Variants in BTBD3 observed in about 807,000 individuals in gnomAD.
BTBD3 encodes BTB domain containing 3.
A neutral mutation model predicts 41.6 loss-of-function variants in BTBD3; 14 were observed. The observed-to-expected ratio is 0.34, with a 90% CI of 0.22 to 0.53. The LOEUF (loss-of-function observed/expected upper bound fraction) is 0.53. Ranked by LOEUF, BTBD3 falls within the 20% of genes least tolerant of loss-of-function variation. The pLI is 0.95. For synonymous variants in BTBD3, 249 were observed against 233.7 expected (o/e 1.07, Z -0.60); for missense variants, 426 against 654.7 (o/e 0.65, Z 3.81).
intron 1 of BTBD3, among the ~76,000 whole-genome samples, chr20:11,893,157 C>T (rs2795021): frequency 0.34 from 52,048 of 151,788 alleles, 9,474 homozygotes; most frequent in Non-Finnish European, 0.41. Context: ...CAAAATAGTA[C>T]AGAAATAGGT....
intron 1 of BTBD3, among the ~76,000 whole-genome samples, chr20:11,907,931 C>T (rs987110671): frequency 1.3e-5 from 2 of 152,154 alleles, no homozygotes; most frequent in Non-Finnish European, 2.9e-5. Flanking sequence ...TCTTCCGGGG[C>T]GGATGCTTGT....
intron 1 of BTBD3, among the ~76,000 whole-genome samples, chr20:11,903,306 C>T (rs1389611246): frequency 6.6e-6 from 1 of 152,110 alleles, no homozygotes; most frequent in Non-Finnish European, 1.5e-5. Flanking sequence ...TAAACATTGG[C>T]AGCCATGCTT....
chr20:11,916,543 G>A (rs930077165), upstream of BTBD3, among the ~76,000 whole-genome samples: 3 of 152,270 alleles, frequency 2.0e-5, no homozygotes, highest in Non-Finnish European at 2.9e-5. Context: ...TTTGCAAATG[G>A]TTTTAAGAAT....
intron 3 of BTBD3, chr20:11,921,747 A>G (rs1028814790): frequency 3.3e-5 from 5 of 152,338 alleles, no homozygotes; most frequent in Non-Finnish European, 5.9e-5. Context: ...CTAATTTCTT[A>G]AGTTTTATGT....
In BTBD3 at chr20:11,919,850, G is replaced by C. The variant is rs116150182; in HGVS notation, c.536+14G>C. ...CGCTATGCTGAAGTAAGCATCATTC[G>C]TGTGTTTGGAAAGAGTTTGTTTATG... On this transcript the variant is annotated intron_variant, in intron 3 of 3. Transcript: ENST00000378226. 6.2e-7 allele frequency: 1 copy of C among 1,604,546 alleles called. No homozygotes were observed. Among genetic ancestry groups the C allele is most frequent in the Non-Finnish European group, 8.5e-7 (1 of 1,171,230 alleles).
At chr20:11,906,282 T>TTTTTTTTTTTTC (rs869198827) in intron 1 of BTBD3, among the ~76,000 whole-genome samples, 1 of 132,606 alleles carries the variant, frequency 7.5e-6, no homozygotes, top group Non-Finnish European at 1.6e-5. Flanking sequence ...TTTTTTTTTT[T>TTTTTTTTTTTTC]GAGACGGAGT....
intron 1 of BTBD3, chr20:11,909,389 C>T (rs1192941468): frequency 6.6e-6 from 1 of 151,642 alleles, no homozygotes; most frequent in African/African-American, 2.4e-5. Flanking sequence ...TTACAGCCTT[C>T]TAATTCTACT....
At chr20:11,895,136 T>A (rs73093614) in intron 1 of BTBD3, among the ~76,000 whole-genome samples, 9 of 152,284 alleles carry the variant, frequency 5.9e-5, no homozygotes, top group Admixed American at 2.0e-4. Flanking sequence ...TCTTTATTGT[T>A]TTTTAAGATC....
intron 1 of BTBD3, among the ~76,000 whole-genome samples, chr20:11,896,475 C>G (rs895773161): frequency 2.0e-5 from 3 of 152,178 alleles, no homozygotes; most frequent in African/African-American, 7.2e-5. Flanking sequence ...GCGGTTTGCA[C>G]TAGATTTAGC....
upstream of BTBD3, among the ~76,000 whole-genome samples, chr20:11,917,573 T>C (rs374382110): frequency 1.3e-5 from 2 of 152,232 alleles, no homozygotes; most frequent in South Asian, 2.1e-4. Context: ...AGTAGAAATA[T>C]AGATATCTGT....
upstream of BTBD3, among the ~76,000 whole-genome samples, chr20:11,915,136 A>C (rs1296920200): frequency 6.6e-6 from 1 of 152,198 alleles, no homozygotes; most frequent in Non-Finnish European, 1.5e-5. Context: ...TAAAAGTACT[A>C]AGTGATTATC....
rs747696693 is a variant in BTBD3 at position 11,923,105 on chromosome 20, G to A, written c.1008G>A (p.Gln336=). ...ALDDFANGAA[Q]SGVLTLNETN... The stretch of plus-strand genomic sequence containing the variant: ...ATGATTTTGCAAATGGTGCTGCACA[G>A]TCCGGGGTATTAACTCTCAATGAGA... Residue 336 remains glutamine, a synonymous_variant, in exon 4 of 4, where the codon CAG becomes CAA. Coordinates refer to ENST00000378226, the MANE Select transcript of BTBD3 (RefSeq NM_014962.4). The surrounding 1 kb of genome is among the most constrained non-coding windows in gnomAD (Gnocchi z 5.3). 2 of 1,614,072 alleles carry A rather than the reference G, an allele frequency of 1.2e-6. No individual in the cohort carries two copies. The highest frequency in any genetic ancestry group is 2.2e-5 in the South Asian group (2 of 91,084).
upstream of BTBD3, among the ~76,000 whole-genome samples, chr20:11,917,606 C>G (rs2056927041): frequency 6.6e-6 from 1 of 152,096 alleles, no homozygotes; most frequent in Admixed American, 6.5e-5. Flanking sequence ...TTAATTGATC[C>G]TGCTTAACTG....
intron 1 of BTBD3, among the ~76,000 whole-genome samples, chr20:11,906,035 C>T (rs769985805): frequency 8.6e-5 from 13 of 151,984 alleles, no homozygotes; most frequent in Admixed American, 2.0e-4. Context: ...CCAGTGAATT[C>T]GTTATTGAAA....
At chr20:11,897,286 G>T (rs940825750) in intron 1 of BTBD3, among the ~76,000 whole-genome samples, 2 of 151,942 alleles carry the variant, frequency 1.3e-5, no homozygotes, top group Non-Finnish European at 2.9e-5. Context: ...ACTTCTTAAC[G>T]TGAATATGTG....
chr20:11,923,341 C>T lies in BTBD3; in HGVS notation c.1244C>T (p.Ser415Phe), dbSNP rs1229968225. ...ATTGCTGGCTTTGGGCTGTATGGCT[C>T]CAGCTGTGGTTCTGCAGAATACAGT... ...VFIAGFGLYG[S>F]SCGSAEYSAK... The change falls in exon 4 of 4, where the codon TCC (serine) becomes TTC (phenylalanine). Residue 415 changes from serine (S) to phenylalanine (F), a missense_variant. This residue lies in a region of BTBD3 where 321 missense variants were observed against 534.8 expected (regional missense o/e 0.60). Transcript: ENST00000378226. This position sits in a 1 kb window ranked among gnomAD's most constrained non-coding sequence, Gnocchi z 5.3. 4 of 1,614,098 alleles carry T rather than the reference C, an allele frequency of 2.5e-6. No homozygotes were observed. Among genetic ancestry groups the T allele is most frequent in the African/African-American group, 1.3e-5 (1 of 74,930 alleles).
chr20:11,899,816 G>A (rs975072497), intron 1 of BTBD3, among the ~76,000 whole-genome samples: 2 of 152,116 alleles, frequency 1.3e-5, no homozygotes. Flanking sequence ...TACTGTGCAA[G>A]CAAGTGCTGT....
chr20:11,891,190 C>G (rs1011972545), intron 1 of BTBD3: 4 of 153,390 alleles, frequency 2.6e-5, no homozygotes, highest in South Asian at 2.1e-4. Context: ...GGGGGGGGGT[C>G]CCAGTGGGGC....
chr20:11,925,243 A>G lies in BTBD3; in HGVS notation c.*1577A>G, dbSNP rs1270088575. On this transcript the variant is annotated 3_prime_UTR_variant, in exon 4 of 4. Coordinates refer to ENST00000378226, the MANE Select transcript of BTBD3 (RefSeq NM_014962.4). ...CCATGCGCATGCAAGTGTGTTTGCC[A>G]GCTCAGGAGCTGTCTCCTCTCTACC... is the stretch of plus-strand genomic sequence containing the variant. 6.5e-6 allele frequency: 1 copy of G among 152,722 alleles called. No individual in the cohort carries two copies. Among genetic ancestry groups the G allele is most frequent in the Non-Finnish European group, 1.5e-5 (1 of 68,086 alleles). 9.5% of individuals were successfully genotyped at this position (152,722 alleles called of 1,614,324 possible). A position where few individuals can be genotyped will look rare whatever the true frequency, so the allele number is the denominator to read the frequency against.
Sources: allele counts gnomAD v4.1 joint callset (sites outside exome capture counted in the v4.1 genomes callset), GRCh38; gene constraint gnomAD v4.1.1; regional missense constraint gnomAD v4.1.1; non-coding constraint Gnocchi (gnomAD v3.1); transcripts MANE v1.5; gene names NCBI Gene and HGNC (gene_info 2026-07-23, HGNC 2026-07-21).